The following EDA variants were observed in gnomAD, a reference collection of about 807,000 sequenced individuals.
EDA encodes ectodysplasin-A.
Under a neutral mutation model 23.6 loss-of-function variants are expected in EDA, and 2 were observed. The observed-to-expected ratio is 0.08, with a 90% CI of 0.03 to 0.27. EDA has a LOEUF of 0.27. EDA is among the 10% of genes least tolerant of loss of function. The pLI is 1.00. For missense variants in EDA, 229 were observed against 324.2 expected (o/e 0.71, Z 2.26); for synonymous variants, 131 against 132.0 (o/e 0.99, Z 0.05).
chrX:69,667,737 G>A lies in EDA; in HGVS notation c.396+51033G>A, dbSNP rs749952662. On this transcript the variant is annotated intron_variant, in intron 1 of 7. Transcript: ENST00000374552. ...TGTGTTGCTATAACTGAATACCACA[G>A]ACTGCGCAATTTATAAGAAAAGATA... 3.6e-5 allele frequency among the ~76,000 whole-genome samples: 4 copies of A among 112,184 alleles called. No homozygotes were observed. The South Asian group carries it at 1.5e-3, about 41-fold the overall frequency.
intron 1 of EDA, among the ~76,000 whole-genome samples, chrX:69,644,832 G>T (rs546393761): frequency 9.0e-6 from 1 of 111,556 alleles, no homozygotes. Context: ...AAGGGATGTT[G>T]AATTTTATTG....
chrX:69,653,512 G>A (rs1190560242), intron 1 of EDA, among the ~76,000 whole-genome samples: 1 of 111,149 alleles, frequency 9.0e-6, no homozygotes, highest in Admixed American at 9.6e-5. Context: ...CCAACACTAT[G>A]TTGAATAGGA....
At chrX:69,624,038 A>G (rs1932286284) in intron 1 of EDA, among the ~76,000 whole-genome samples, 1 of 111,439 alleles carries the variant, frequency 9.0e-6, no homozygotes, top group Non-Finnish European at 1.9e-5. Flanking sequence ...CTCTTATACC[A>G]AAATAAATTC....
At chrX:69,843,878 C>T (rs1228686072) in intron 1 of EDA, among the ~76,000 whole-genome samples, 18 of 109,251 alleles carry the variant, frequency 1.6e-4, no homozygotes, top group East Asian at 1.5e-3. Context: ...AAAAATTAGC[C>T]GAGCGTGGTG....
At chrX:69,821,241 TG>T (rs1189847147) in intron 1 of EDA, among the ~76,000 whole-genome samples, 2 of 34,301 alleles carry the variant, frequency 5.8e-5, no homozygotes, top group African/African-American at 1.2e-4. Flanking sequence ...TGGGGCCTAC[TG>T]GGGGGGATGA....
At chrX:69,810,436 C>T (rs954509261) in intron 1 of EDA, among the ~76,000 whole-genome samples, 6 of 107,158 alleles carry the variant, frequency 5.6e-5, no homozygotes, top group East Asian at 2.9e-4. Flanking sequence ...GGCCTCCCTG[C>T]GGTGATTGTT....
At chrX:69,844,491 C>G (rs745600080) in intron 1 of EDA, among the ~76,000 whole-genome samples, 35 of 112,655 alleles carry the variant, frequency 3.1e-4, no homozygotes, top group Middle Eastern at 9.2e-3. Flanking sequence ...CAGAACTACC[C>G]AATACTCTTA....
At chrX:69,822,209 A>G (rs753093061) in intron 1 of EDA, among the ~76,000 whole-genome samples, 1 of 110,765 alleles carries the variant, frequency 9.0e-6, no homozygotes, top group South Asian at 3.9e-4. Flanking sequence ...GACTTGAGCC[A>G]AGGAGTTCAG....
At chrX:69,977,825 C>T (rs950580965) in intron 2 of EDA, among the ~76,000 whole-genome samples, 1 of 111,934 alleles carries the variant, frequency 8.9e-6, no homozygotes, top group Non-Finnish European at 1.9e-5. Context: ...AGTTCAAACA[C>T]GAACTAGCTA....
intron 1 of EDA, among the ~76,000 whole-genome samples, chrX:69,619,065 G>C (rs1458628032): frequency 8.9e-6 from 1 of 112,193 alleles, no homozygotes; most frequent in African/African-American, 3.2e-5. Context: ...ACATTGTGCT[G>C]ACAGATTCTG....
intron 1 of EDA, among the ~76,000 whole-genome samples, chrX:69,786,037 G>A (rs1366887882): frequency 2.8e-5 from 3 of 108,902 alleles, no homozygotes; most frequent in African/African-American, 6.6e-5. Flanking sequence ...TGTATGTGTC[G>A]AGGAATTTAT....
At chrX:69,979,367 G>T (rs1043651156) in intron 2 of EDA, among the ~76,000 whole-genome samples, 2 of 111,920 alleles carry the variant, frequency 1.8e-5, no homozygotes, top group South Asian at 3.7e-4. Flanking sequence ...TCATTTACAA[G>T]ATTTTTATGG....
chrX:69,997,736 C>T (rs1199913427), intron 2 of EDA, among the ~76,000 whole-genome samples: 1 of 112,206 alleles, frequency 8.9e-6, no homozygotes, highest in African/African-American at 3.2e-5. Flanking sequence ...TGTGTGCAGC[C>T]TAGGGACTTG....
chrX:69,722,134 C>G (rs1021492990), intron 1 of EDA, among the ~76,000 whole-genome samples: 1 of 111,763 alleles, frequency 8.9e-6, no homozygotes, highest in South Asian at 3.8e-4. Flanking sequence ...TCTTCTGTCT[C>G]TCTGTTTTCA....
At chrX:69,783,469 G>T (rs1343606812) in intron 1 of EDA, among the ~76,000 whole-genome samples, 4 of 88,202 alleles carry the variant, frequency 4.5e-5, no homozygotes, top group Non-Finnish European at 6.3e-5. Flanking sequence ...CCCAGAGTAT[G>T]ATGTTCCCCT....
At chrX:69,658,212 TTGTG>T (rs3138864) in intron 1 of EDA, among the ~76,000 whole-genome samples, 6,196 of 90,764 alleles carry the variant, frequency 0.068, 197 homozygotes, top group Non-Finnish European at 0.091. Context: ...TCCTAGGTAT[TTGTG>T]TGTGTGTGTG....
At chrX:69,950,964 A>G in intron 1 of EDA, among the ~76,000 whole-genome samples, 1 of 79,847 alleles carries the variant, frequency 1.3e-5, no homozygotes, top group African/African-American at 5.1e-5. Context: ...GGGGGGAGGG[A>G]TAGCATTGGG....
intron 1 of EDA, among the ~76,000 whole-genome samples, chrX:69,789,180 G>A (rs1415312029): frequency 8.9e-6 from 1 of 111,875 alleles, no homozygotes; most frequent in East Asian, 2.9e-4. Flanking sequence ...CCACTGACCT[G>A]CGCCCACTGT....
chrX:69,734,836 G>A (rs2013188731), intron 1 of EDA, among the ~76,000 whole-genome samples: 1 of 111,501 alleles, frequency 9.0e-6, no homozygotes, highest in African/African-American at 3.3e-5. Context: ...ACACCCATTA[G>A]GATGATTACT....
Sources: gnomAD v4.1 joint callset for allele counts (sites outside exome capture counted in the v4.1 genomes callset) on GRCh38, gnomAD v4.1.1 for gene constraint, MANE v1.5 for transcripts, NCBI Gene and HGNC (gene_info 2026-07-23, HGNC 2026-07-21) for gene names.